PHKA1: variants seen among roughly 807,000 people sequenced by gnomAD.
PHKA1 encodes phosphorylase b kinase regulatory subunit alpha, skeletal muscle isoform.
PHKA1 carries 60 observed loss-of-function variants against 110.2 expected under a neutral mutation model. The observed-to-expected ratio is 0.54, with a 90% CI of 0.44 to 0.68. The LOEUF is 0.68. Ranked by LOEUF, PHKA1 falls within the 30% of genes least tolerant of loss-of-function variation. The pLI is 0.00. For missense variants in PHKA1, 801 were observed against 942.5 expected, an observed-to-expected ratio of 0.85 and a Z score of 1.97; for synonymous variants, 316 against 333.6, an observed-to-expected ratio of 0.95 and a Z score of 0.58.
At chrX:72,586,190 T>C (rs1411251914) in intron 29 of PHKA1, among the ~76,000 whole-genome samples, 1 of 111,407 alleles carries the variant, frequency 9.0e-6, no homozygotes, top group Non-Finnish European at 1.9e-5. Flanking sequence ...TGACACCACA[T>C]ACAGGCAGGG....
chrX:72,635,259 T>G lies in PHKA1; in HGVS notation c.1610A>C (p.Lys537Thr), dbSNP rs2147733726. 1 of 1,209,257 alleles carries G rather than the reference T, an allele frequency of 8.3e-7. No individual in the cohort carries two copies. Among genetic ancestry groups the G allele is most frequent in the Non-Finnish European group, 1.1e-6 (1 of 894,437 alleles). Residue 537 changes from lysine to threonine, a missense_variant, in exon 16 of 32, where the codon AAG (lysine) becomes ACG (threonine). This residue lies in a region of PHKA1 where 299 missense variants were observed against 423.3 expected (regional missense o/e 0.71). Transcript: ENST00000373542. ...QQQFYLALDN[K>T]MIVEMLRTDL... The stretch of plus-strand genomic sequence containing the variant: ...TGTTCTAAGCATTTCCACTATCATC[T>G]TGTTGTCCAGAGCCAGGTAGAACTG...
At chrX:72,647,468 T>A (rs1329455124) in intron 13 of PHKA1, among the ~76,000 whole-genome samples, 1 of 111,888 alleles carries the variant, frequency 8.9e-6, no homozygotes, top group African/African-American at 3.2e-5. Context: ...GAGGCTACCT[T>A]AAAGGAAGCT....
rs782535363 is a variant in PHKA1, at chrX:72,690,774, GT to G, written c.454+4933del. Among the ~76,000 whole-genome samples the G allele has an allele frequency of 8.0e-3, 893 of 111,056 alleles. 7 individuals are homozygous for G. Among genetic ancestry groups the G allele is most frequent in the Non-Finnish European group, 0.013 (701 of 52,817 alleles). On this transcript the variant is annotated intron_variant, in intron 4 of 31. Coordinates refer to ENST00000373542, the MANE Select transcript of PHKA1 (RefSeq NM_002637.4). Reference sequence around the variant, plus strand: ...TTTTTTAAATTTAATTTCTTTTTTTGTTTGTTTGTTTGAGATGGAGTCTCAT... The same window carrying G: ...TTTTTTAAATTTAATTTCTTTTTTTGTTGTTTGTTTGAGATGGAGTCTCAT...
At chrX:72,658,645 T>C (rs1353320185) in intron 8 of PHKA1, among the ~76,000 whole-genome samples, 1 of 111,351 alleles carries the variant, frequency 9.0e-6, no homozygotes, top group Non-Finnish European at 1.9e-5. Flanking sequence ...TTGTTTTTAA[T>C]GACCTTGACA....
chrX:72,710,954 C>T (rs1184727623), intron 2 of PHKA1, among the ~76,000 whole-genome samples: 2 of 106,899 alleles, frequency 1.9e-5, no homozygotes, highest in African/African-American at 3.4e-5. Flanking sequence ...CTCCGCCTCC[C>T]GGGTTCACGC....
At chrX:72,693,165 T>C (rs940949836) in intron 4 of PHKA1, among the ~76,000 whole-genome samples, 3 of 111,823 alleles carry the variant, frequency 2.7e-5, no homozygotes, top group African/African-American at 9.7e-5. Context: ...ATTTTGGTCA[T>C]AGAACATACT....
At chrX:72,641,025 A>G in intron 14 of PHKA1, among the ~76,000 whole-genome samples, 1 of 111,567 alleles carries the variant, frequency 9.0e-6, no homozygotes, top group Non-Finnish European at 1.9e-5. Context: ...TAGTTTCAAA[A>G]AAAGAGGTAA....
chrX:72,658,199 C>T (rs1263070584), intron 8 of PHKA1, among the ~76,000 whole-genome samples: 3 of 111,539 alleles, frequency 2.7e-5, no homozygotes, highest in African/African-American at 6.5e-5. Context: ...GTGGCTCATG[C>T]CTGTAACCCC....
intron 25 of PHKA1, 127 bp from the exon 26 acceptor site, chrX:72,603,347 A>C: frequency 1.0e-5 from 5 of 490,342 alleles, no homozygotes; most frequent in Non-Finnish European, 1.8e-5. Flanking sequence ...GAATTACAAA[A>C]TAAATTGATA....
intron 4 of PHKA1, among the ~76,000 whole-genome samples, chrX:72,692,088 G>A: frequency 8.9e-6 from 1 of 111,809 alleles, no homozygotes; most frequent in Non-Finnish European, 1.9e-5. Context: ...TTTGTCAAAT[G>A]TTTTTCTGTG....
At chrX:72,664,155 A>G (rs2053592842) in intron 8 of PHKA1, among the ~76,000 whole-genome samples, 1 of 111,238 alleles carries the variant, frequency 9.0e-6, no homozygotes, top group Admixed American at 9.6e-5. Context: ...GGCTGAATGG[A>G]TAACAAGACT....
At chrX:72,698,317 G>T (rs1569452573) in intron 3 of PHKA1, among the ~76,000 whole-genome samples, 1 of 112,013 alleles carries the variant, frequency 8.9e-6, no homozygotes, top group African/African-American at 3.2e-5. Flanking sequence ...TTGGCTTAAA[G>T]AAAAATAAAA....
chrX:72,579,553 A>G lies in PHKA1; in HGVS notation c.*1449T>C, dbSNP rs782589535. On this transcript the variant is annotated 3_prime_UTR_variant, in exon 32 of 32. Transcript: ENST00000373542. ...ACATTTGTCAAGCAAGGCTACCTAC[A>G]TATGGGATGAAGGAAGAGGACTGAA... 1 of 112,034 alleles carries G rather than the reference A, an allele frequency of 8.9e-6. No individual in the cohort carries two copies. The highest frequency in any genetic ancestry group is 2.8e-4 in the East Asian group (1 of 3,583). The allele number at this position is 112,034 out of a possible 1,213,427, so 9.2% of individuals were successfully genotyped here.
intron 21 of PHKA1, among the ~76,000 whole-genome samples, chrX:72,614,364 G>A (rs1326572168): frequency 9.0e-6 from 1 of 111,699 alleles, no homozygotes; most frequent in Non-Finnish European, 1.9e-5. Flanking sequence ...AATTTTTATT[G>A]TACTATCCTC....
In PHKA1 at chrX:72,705,123, T is replaced by TA. The variant is rs782576765; in HGVS notation, c.285+74dup. On this transcript the variant is annotated intron_variant, in intron 3 of 31. Transcript: ENST00000373542. Reference sequence around the variant, plus strand: ...TGAAACTGAAAGAAAATATAAGCTATAAACATTCCCTAAAGGGTAGAGATA... The same window carrying TA: ...TGAAACTGAAAGAAAATATAAGCTATAAAACATTCCCTAAAGGGTAGAGATA... The TA allele has an allele frequency of 1.2e-5, 10 of 821,128 alleles. No homozygotes were observed. In the East Asian group the frequency reaches 3.5e-4, roughly 29 times the overall value. 67.7% of individuals were successfully genotyped at this position (821,128 alleles called of 1,213,427 possible).
chrX:72,708,030 G>C (rs2054316645), intron 2 of PHKA1: 1 of 111,290 alleles, frequency 9.0e-6, no homozygotes, highest in Non-Finnish European at 1.9e-5. Flanking sequence ...TTGGTGCTAG[G>C]CTTTCAAAGG....
chrX:72,709,273 CAA>C (rs782029378), intron 2 of PHKA1, among the ~76,000 whole-genome samples: 1 of 109,977 alleles, frequency 9.1e-6, no homozygotes, highest in African/African-American at 3.3e-5. Context: ...ACCATGAATG[CAA>C]AGAGATATCC....
chrX:72,705,355 T>C, intron 2 of PHKA1, 110 bp from the exon 3 acceptor site: 1 of 536,640 alleles, frequency 1.9e-6, no homozygotes, highest in Non-Finnish European at 3.2e-6. Flanking sequence ...AACCCTATCC[T>C]GTGTTCCTAT....
intron 28 of PHKA1, among the ~76,000 whole-genome samples, chrX:72,598,989 C>A (rs1556238271): frequency 1.8e-5 from 2 of 110,814 alleles, no homozygotes; most frequent in African/African-American, 6.6e-5. Context: ...TTTATACCAC[C>A]AAGATCCTAG....
Sources: allele counts gnomAD v4.1 joint callset (sites outside exome capture counted in the v4.1 genomes callset), GRCh38; gene constraint gnomAD v4.1.1; regional missense constraint gnomAD v4.1.1; transcripts MANE v1.5; gene names NCBI Gene and HGNC (gene_info 2026-07-23, HGNC 2026-07-21).